ZYG11B: variants seen among roughly 807,000 people sequenced by gnomAD.
ZYG11B encodes the protein zyg-11 family member B, cell cycle regulator.
ZYG11B carries 36 observed loss-of-function variants against 82.4 expected under a neutral mutation model. The ratio of observed to expected loss-of-function variants is 0.44; its 90% CI spans 0.33 to 0.58. The LOEUF is 0.58. ZYG11B is among the 20% of genes least tolerant of loss of function. ZYG11B has a pLI of 0.02. For synonymous variants in ZYG11B, 303 were observed against 312.8 expected, an observed-to-expected ratio of 0.97 and a Z score of 0.33; for missense variants, 552 against 895.6, an observed-to-expected ratio of 0.62 and a Z score of 4.90.
intron 1 of ZYG11B, among the ~76,000 whole-genome samples, chr1:52,729,823 T>C (rs1019740146): frequency 2.0e-5 from 3 of 152,048 alleles, no homozygotes; most frequent in African/African-American, 7.2e-5. Context: ...GTTCTTTTTT[T>C]TTTGAGGCAG....
chr1:52,798,836 T>C (rs1303136732), intron 8 of ZYG11B, among the ~76,000 whole-genome samples: 1 of 152,102 alleles, frequency 6.6e-6, no homozygotes, highest in Non-Finnish European at 1.5e-5. Flanking sequence ...AGGGAAGACT[T>C]AGAGGCAAAA....
chr1:52,750,896 C>T (rs1644516867), intron 1 of ZYG11B, among the ~76,000 whole-genome samples: 1 of 152,156 alleles, frequency 6.6e-6, no homozygotes, highest in Non-Finnish European at 1.5e-5. Context: ...TGGCTTCTTC[C>T]ACTTAGCATG....
chr1:52,797,042 A>C (rs1218780635), intron 8 of ZYG11B, among the ~76,000 whole-genome samples: 2 of 90,816 alleles, frequency 2.2e-5, no homozygotes, highest in African/African-American at 9.8e-5. Flanking sequence ...TATATATATA[A>C]ATTTTTATAT....
chr1:52,760,748 A>C, intron 2 of ZYG11B, among the ~76,000 whole-genome samples: 1 of 145,138 alleles, frequency 6.9e-6, no homozygotes. Flanking sequence ...ATGAGCCAAC[A>C]TGCCTGGCCT....
chr1:52,731,104 C>T (rs1014699567), intron 1 of ZYG11B, among the ~76,000 whole-genome samples: 6 of 152,054 alleles, frequency 3.9e-5, no homozygotes, highest in Non-Finnish European at 7.4e-5. Context: ...GAAACCCCGT[C>T]TCTACTAAAA....
chr1:52,799,828 A>C (rs1645061095), intron 8 of ZYG11B, among the ~76,000 whole-genome samples: 1 of 152,052 alleles, frequency 6.6e-6, no homozygotes, highest in East Asian at 1.9e-4. Context: ...AAGTAATGTT[A>C]TAAAGAGAGA....
chr1:52,739,171 G>A (rs1401060749), intron 1 of ZYG11B, among the ~76,000 whole-genome samples: 1 of 151,084 alleles, frequency 6.6e-6, no homozygotes, highest in Non-Finnish European at 1.5e-5. Context: ...AGTTTTAGTA[G>A]AGACAGAGTT....
intron 4 of ZYG11B, among the ~76,000 whole-genome samples, chr1:52,780,825 T>C (rs1289389342): frequency 6.6e-6 from 1 of 152,146 alleles, no homozygotes. Context: ...TTAATTTTAT[T>C]GAATGCTTTG....
intron 1 of ZYG11B, among the ~76,000 whole-genome samples, chr1:52,745,257 A>G (rs1057198121): frequency 1.3e-5 from 2 of 152,232 alleles, no homozygotes; most frequent in African/African-American, 4.8e-5. Flanking sequence ...ACTTCAAGGC[A>G]GGAGCATTTA....
chr1:52,771,327 C>T lies in ZYG11B; in HGVS notation c.504C>T (p.Ser168=), dbSNP rs144110736. 5 of 1,614,106 alleles carry T rather than the reference C, an allele frequency of 3.1e-6. No homozygotes were observed. In the African/African-American group the frequency reaches 6.7e-5, roughly 22 times the overall value. ...GGCTTTCTGGCCTTCGAGCTTTAAG[C>T]ATCACGAATGTTCTCTTTTACAATG... ...FSRLSGLRAL[S]ITNVLFYNED... The change falls in exon 3 of 14, where the codon AGC becomes AGT. Residue 168 remains serine (S), a synonymous_variant. Coordinates refer to ENST00000294353, the MANE Select transcript of ZYG11B (RefSeq NM_024646.3). The surrounding 1 kb of genome is among the most constrained non-coding windows in gnomAD (Gnocchi z 5.4).
chr1:52,768,414 C>T (rs1162124628), intron 2 of ZYG11B, among the ~76,000 whole-genome samples: 2 of 152,180 alleles, frequency 1.3e-5, no homozygotes, highest in Non-Finnish European at 2.9e-5. Flanking sequence ...CTCATTTCTT[C>T]TGTCCCATTT....
At chr1:52,808,321 G>T (rs1004242946) in intron 10 of ZYG11B, among the ~76,000 whole-genome samples, 1 of 151,972 alleles carries the variant, frequency 6.6e-6, no homozygotes, top group African/African-American at 2.4e-5. Context: ...CCGAGATCAC[G>T]CCATTGCACT....
At chr1:52,797,227 T>A (rs1349014930) in intron 8 of ZYG11B, among the ~76,000 whole-genome samples, 1 of 79,722 alleles carries the variant, frequency 1.3e-5, no homozygotes, top group Non-Finnish European at 2.1e-5. Context: ...AAATATATAT[T>A]ATATAATATA....
At chr1:52,739,857 C>G (rs1011052983) in intron 1 of ZYG11B, among the ~76,000 whole-genome samples, 1 of 152,150 alleles carries the variant, frequency 6.6e-6, no homozygotes, top group Admixed American at 6.6e-5. Context: ...CTGCCTGCCT[C>G]AGCCTCCCAA....
chr1:52,780,567 G>A (rs1644847043), intron 4 of ZYG11B, among the ~76,000 whole-genome samples: 1 of 152,148 alleles, frequency 6.6e-6, no homozygotes, highest in South Asian at 2.1e-4. Context: ...TTTCCATGCT[G>A]TTTAGAACCT....
intron 6 of ZYG11B, among the ~76,000 whole-genome samples, chr1:52,790,715 CAAAAAAAAAA>C (rs755866491): frequency 2.0e-5 from 1 of 49,696 alleles, no homozygotes; most frequent in Non-Finnish European, 3.4e-5. Context: ...AAGACTGTCT[CAAAAAAAAAA>C]AAAAAAAAAA....
At chr1:52,741,226 A>C (rs778009028) in intron 1 of ZYG11B, among the ~76,000 whole-genome samples, 60 of 144,642 alleles carry the variant, frequency 4.1e-4, no homozygotes, top group South Asian at 6.8e-4. Context: ...TGAATCCAAG[A>C]GGCAGAGGTT....
rs911493993 is a variant in ZYG11B, at chr1:52,824,238, C to T, written c.*2609C>T. 2.6e-5 allele frequency: 4 copies of T among 152,168 alleles called. No individual in the cohort carries two copies. Among genetic ancestry groups the T allele is most frequent in the Non-Finnish European group, 5.9e-5 (4 of 68,038 alleles). 9.4% of individuals were successfully genotyped at this position (152,168 alleles called of 1,614,324 possible). ...GTGGCACAATCATACCTCACTGCAG[C>T]CTCTTGGGCTTATGTGATCTTACCC... On this transcript the variant is annotated 3_prime_UTR_variant, in exon 14 of 14. Coordinates refer to ENST00000294353, the MANE Select transcript of ZYG11B (RefSeq NM_024646.3).
At chr1:52,790,968 A>G (rs1249552894) in intron 6 of ZYG11B, among the ~76,000 whole-genome samples, 1 of 151,106 alleles carries the variant, frequency 6.6e-6, no homozygotes, top group Non-Finnish European at 1.5e-5. Flanking sequence ...TTTAAGATAT[A>G]ATTTTTCTTT....
Sources: gnomAD v4.1 joint callset for allele counts (sites outside exome capture counted in the v4.1 genomes callset) on GRCh38, gnomAD v4.1.1 for gene constraint, Gnocchi (gnomAD v3.1) non-coding constraint, MANE v1.5 for transcripts, NCBI Gene and HGNC (gene_info 2026-07-23, HGNC 2026-07-21) for gene names.